Variants in ANXA10 observed in about 807,000 individuals in gnomAD.
ANXA10 encodes the protein annexin 14.
Under a neutral mutation model 53.5 loss-of-function variants are expected in ANXA10, and 49 were observed. The ratio of observed to expected loss-of-function variants is 0.92; its 90% confidence interval spans 0.73 to 1.16. The LOEUF (loss-of-function observed/expected upper bound fraction) is 1.16, where lower values mean the gene tolerates loss of function less well. Among genes scored for constraint, ANXA10 ranks in the 50% most tolerant of loss-of-function variants. The pLI is 0.00. For synonymous variants in ANXA10, 131 were observed against 128.9 expected (o/e 1.02, Z -0.11); for missense variants, 393 against 394.4 (o/e 1.00, Z 0.03).
intron 1 of ANXA10, among the ~76,000 whole-genome samples, chr4:168,094,172 T>G (rs1211524350): frequency 6.6e-6 from 1 of 152,158 alleles, no homozygotes; most frequent in Non-Finnish European, 1.5e-5. Context: ...ATATTTAAAT[T>G]ATATTTCTGG....
intron 8 of ANXA10, 100 bp downstream of exon 8, chr4:168,178,083 C>A: frequency 8.8e-7 from 1 of 1,134,658 alleles, no homozygotes; most frequent in Non-Finnish European, 1.3e-6. Flanking sequence ...AAGGAAATAG[C>A]GGAAAGTCAG....
chr4:168,179,337 C>G, intron 9 of ANXA10, 25 bp downstream of exon 9: 1 of 1,489,090 alleles, frequency 6.7e-7, no homozygotes, highest in South Asian at 1.2e-5. Context: ...ATTTGAAGCA[C>G]AACAGACATT....
intron 1 of ANXA10, among the ~76,000 whole-genome samples, chr4:168,119,297 T>C (rs912702860): frequency 1.3e-5 from 2 of 152,046 alleles, no homozygotes; most frequent in Non-Finnish European, 1.5e-5. Flanking sequence ...GTCAGAAAAA[T>C]GTACATTGCA....
chr4:168,130,597 T>C (rs937931339), intron 2 of ANXA10, among the ~76,000 whole-genome samples: 14 of 152,008 alleles, frequency 9.2e-5, no homozygotes, highest in Admixed American at 8.5e-4. Context: ...CATATGGACC[T>C]AGTGCTTTCT....
At chr4:168,168,912 G>GT (rs1731930431) in intron 6 of ANXA10, among the ~76,000 whole-genome samples, 1 of 152,134 alleles carries the variant, frequency 6.6e-6, no homozygotes, top group Non-Finnish European at 1.5e-5. Context: ...GTTTGGTTTT[G>GT]GTTTGGTTTA....
intron 3 of ANXA10, among the ~76,000 whole-genome samples, chr4:168,156,064 CATATATTAT>C (rs1378758356): frequency 8.7e-5 from 4 of 45,792 alleles, no homozygotes; most frequent in East Asian, 2.3e-3. Flanking sequence ...TATTATATAT[CATATATTAT>C]ATATATTATA....
Position 168,096,585 on chromosome 4 carries a change from G to T in ANXA10, c.18+3867G>T, listed in dbSNP as rs143913083. Among the ~76,000 whole-genome samples the T allele has an allele frequency of 2.5e-3, 381 of 152,160 alleles. 1 individual carries two copies. The highest frequency in any genetic ancestry group is 3.7e-3 in the Admixed American group (57 of 15,276). ...ACATCACTGTAGCGTAGTGGCTAAA[G>T]ATACACTTAAATCTAGCCTTTCTGC... On this transcript the variant is annotated intron_variant, in intron 1 of 11. Transcript: ENST00000359299.
chr4:168,150,651 C>T (rs10027424), intron 3 of ANXA10, among the ~76,000 whole-genome samples: 2,015 of 152,228 alleles, frequency 0.013, 48 homozygotes, highest in African/African-American at 0.045. Flanking sequence ...AGGAGAAACA[C>T]GCACATGCGC....
intron 1 of ANXA10, among the ~76,000 whole-genome samples, chr4:168,108,434 C>T (rs1278492374): frequency 6.6e-6 from 1 of 152,156 alleles, no homozygotes; most frequent in African/African-American, 2.4e-5. Flanking sequence ...AGCACTGATA[C>T]ACTATGGCCT....
intron 1 of ANXA10, among the ~76,000 whole-genome samples, chr4:168,126,675 T>G (rs1731075225): frequency 6.6e-6 from 1 of 152,184 alleles, no homozygotes; most frequent in African/African-American, 2.4e-5. Flanking sequence ...TCTGATATAT[T>G]TATTTCTGTT....
chr4:168,170,017 T>A (rs552394810), intron 6 of ANXA10, among the ~76,000 whole-genome samples: 2 of 152,322 alleles, frequency 1.3e-5, no homozygotes, highest in South Asian at 4.1e-4. Context: ...GACTTTTGGA[T>A]GTAATAGGGC....
intron 1 of ANXA10, among the ~76,000 whole-genome samples, chr4:168,122,205 T>C (rs573728876): frequency 6.6e-6 from 1 of 152,298 alleles, no homozygotes; most frequent in South Asian, 2.1e-4. Flanking sequence ...CTCAAATCCA[T>C]ATCCATTGAA....
chr4:168,168,126 G>A (rs571054396), intron 6 of ANXA10, among the ~76,000 whole-genome samples: 11 of 152,292 alleles, frequency 7.2e-5, no homozygotes, highest in South Asian at 2.1e-4. Flanking sequence ...AGGTGCTACC[G>A]ATCAGAGTGC....
chr4:168,162,560 G>A lies in ANXA10; in HGVS notation c.228G>A (p.Ser76=), dbSNP rs781423027. 90 of 1,613,616 alleles carry A rather than the reference G, an allele frequency of 5.6e-5. No homozygotes were observed. The African/African-American group carries it at 7.5e-4, about 13-fold the overall frequency. ...DLIGDMREQL[S]DHFKDVMAGL... is the part of the protein sequence containing the mutation. ...TTGGGGATATGAGGGAGCAGCTTTC[G>A]GATCACTTCAAAGATGTGATGGCTG... The change falls in exon 4 of 12, where the codon TCG becomes TCA. Residue 76 remains serine (S), a synonymous_variant. Coordinates refer to ENST00000359299, the MANE Select transcript of ANXA10 (RefSeq NM_007193.5).
intron 5 of ANXA10, among the ~76,000 whole-genome samples, chr4:168,164,683 T>C (rs528184936): frequency 6.6e-5 from 10 of 152,312 alleles, no homozygotes; most frequent in African/African-American, 2.4e-4. Context: ...TTACATAAAT[T>C]TCACATTCCC....
At chr4:168,173,983 C>T (rs913631779) in intron 6 of ANXA10, among the ~76,000 whole-genome samples, 1 of 152,198 alleles carries the variant, frequency 6.6e-6, no homozygotes, top group East Asian at 1.9e-4. Flanking sequence ...TGCCCACCTT[C>T]GGGTGGTGGG....
intron 6 of ANXA10, 97 bp from the exon 7 acceptor site, chr4:168,177,643 A>T: frequency 8.2e-7 from 1 of 1,216,516 alleles, no homozygotes; most frequent in South Asian, 1.2e-5. Flanking sequence ...GTTCCTTAGG[A>T]ACAATCAGAA....
intron 6 of ANXA10, among the ~76,000 whole-genome samples, chr4:168,176,859 G>A (rs538607068): frequency 9.2e-5 from 14 of 152,038 alleles, no homozygotes; most frequent in Admixed American, 7.9e-4. Flanking sequence ...AATTAGCCAC[G>A]CATAGTGGCA....
At position 168,186,538 on chromosome 4, in the gene ANXA10, T is replaced by G. The variant is rs557046615; in HGVS notation, c.907-828T>G. Among the ~76,000 whole-genome samples, 4 of 152,326 alleles carry G rather than the reference T, an allele frequency of 2.6e-5. No homozygotes were observed. In the East Asian group the frequency reaches 7.7e-4, roughly 29 times the overall value. ...GAACACCTTTGTCCCTTCTGCCATG[T>G]GAGCTTAGAATGAGAAGAAGGCTGT... On this transcript the variant is annotated intron_variant, in intron 11 of 11. Transcript: ENST00000359299.
Sources: gnomAD v4.1 joint callset for allele counts (sites outside exome capture counted in the v4.1 genomes callset) on GRCh38, gnomAD v4.1.1 for gene constraint, MANE v1.5 for transcripts, NCBI Gene and HGNC (gene_info 2026-07-23, HGNC 2026-07-21) for gene names.